The following EMILIN2 variants were observed in gnomAD, a reference collection of about 807,000 sequenced individuals.
EMILIN2 encodes the protein elastin microfibril interfacer 2.
Under a neutral mutation model 87.1 loss-of-function variants are expected in EMILIN2, and 71 were observed. That is an observed-to-expected ratio of 0.82 (90% CI 0.67 to 0.99). The LOEUF is 0.99. EMILIN2 is among the 50% of genes least tolerant of loss of function. The pLI is 0.00. For synonymous variants in EMILIN2, 581 were observed against 563.4 expected (o/e 1.03, Z -0.44); for missense variants, 1,407 against 1,371.8 (o/e 1.03, Z -0.40).
At chr18:2,907,324 C>T (rs1325999931) in intron 5 of EMILIN2, among the ~76,000 whole-genome samples, 2 of 152,214 alleles carry the variant, frequency 1.3e-5, no homozygotes, top group Admixed American at 6.5e-5. Flanking sequence ...TGAGTGGCCC[C>T]GCCGGTTGGA....
At chr18:2,858,605 G>GTATATA (rs552199862) in intron 2 of EMILIN2, among the ~76,000 whole-genome samples, 1,081 of 86,142 alleles carry the variant, frequency 0.013, 146 homozygotes, top group African/African-American at 0.074. Context: ...ATATATATGT[G>GTATATA]TATATATATA....
At chr18:2,866,003 C>T (rs2076684848) in intron 2 of EMILIN2, among the ~76,000 whole-genome samples, 1 of 152,224 alleles carries the variant, frequency 6.6e-6, no homozygotes, top group Non-Finnish European at 1.5e-5. Context: ...GTAGGACCTT[C>T]CGAGCCTGGT....
intron 7 of EMILIN2, among the ~76,000 whole-genome samples, chr18:2,910,022 G>GGCTGCAT (rs2076933306): frequency 6.6e-6 from 1 of 152,224 alleles, no homozygotes; most frequent in South Asian, 2.1e-4. Flanking sequence ...GAGGGCTGCA[G>GGCTGCAT]GCTGCATGGG....
At position 2,890,794 on chromosome 18, in the gene EMILIN2, A is replaced by T; in HGVS notation, c.667A>T (p.Thr223Ser). The part of the protein sequence containing the change: ...KHATQDDASR[T>S]RAPGLSSQHP... ...TGCCACTCAGGATGATGCCAGTAGA[A>T]CACGGGCACCAGGGCTCAGCAGCCA... Residue 223 changes from threonine to serine, a missense_variant, in exon 4 of 8, where the codon ACA becomes TCA. By Grantham distance (58) the Thr-to-Ser change is moderately conservative. Coordinates refer to ENST00000254528, the MANE Select transcript of EMILIN2 (RefSeq NM_032048.3). The surrounding 1 kb of genome is among the most constrained non-coding windows in gnomAD (Gnocchi z 4.7). 2 of 1,613,688 alleles carry T rather than the reference A, an allele frequency of 1.2e-6. No individual in the cohort carries two copies. Among genetic ancestry groups the T allele is most frequent in the Non-Finnish European group, 1.7e-6 (2 of 1,179,792 alleles).
intron 3 of EMILIN2, among the ~76,000 whole-genome samples, chr18:2,887,044 A>G (rs1465867709): frequency 6.6e-6 from 1 of 152,068 alleles, no homozygotes; most frequent in African/African-American, 2.4e-5. Context: ...CATGTCCTTT[A>G]GTAGCTTCAT....
chr18:2,876,189 G>T (rs1312942999), intron 2 of EMILIN2, among the ~76,000 whole-genome samples: 1 of 151,662 alleles, frequency 6.6e-6, no homozygotes, highest in African/African-American at 2.4e-5. Flanking sequence ...CACAATGTTA[G>T]CCAGGATGGT....
intron 3 of EMILIN2, among the ~76,000 whole-genome samples, chr18:2,887,435 G>A (rs2076808463): frequency 6.6e-6 from 1 of 152,194 alleles, no homozygotes; most frequent in Non-Finnish European, 1.5e-5. Flanking sequence ...GGGTCATGGA[G>A]GTTGATCCTT....
In EMILIN2 at chr18:2,907,030, C is replaced by A. The variant is rs1252842494; in HGVS notation, c.2607C>A (p.Asp869Glu). Reference protein sequence around the residue: ...VSGRGLPRGVDGQTGSGTVPG... With the variant: ...VSGRGLPRGVEGQTGSGTVPG... ...GGCGGGGTCTGCCGCGGGGCGTGGA[C>A]GGCCAGACCGGGAGCGGCACCGTCC... Residue 869 changes from aspartate (D) to glutamate (E), a missense_variant, in exon 5 of 8, where the codon GAC becomes GAA. By Grantham distance (45) the Asp-to-Glu change is conservative. Coordinates refer to ENST00000254528, the MANE Select transcript of EMILIN2 (RefSeq NM_032048.3). The A allele has an allele frequency of 4.6e-6, 6 of 1,300,184 alleles. No homozygotes were observed. The South Asian group carries it at 1.5e-4, about 32-fold the overall frequency. 80.5% of individuals were successfully genotyped at this position (1,300,184 alleles called of 1,614,324 possible).
rs535371509 is a variant in EMILIN2, at chr18:2,894,670, T to G, written c.2359+2184T>G. Among the ~76,000 whole-genome samples, 40 of 152,300 alleles carry G rather than the reference T, an allele frequency of 2.6e-4. No homozygotes were observed. Among genetic ancestry groups the G allele is most frequent in the African/African-American group, 9.1e-4 (38 of 41,562 alleles). On this transcript the variant is annotated intron_variant, in intron 4 of 7. Transcript: ENST00000254528. The surrounding 1 kb of genome is among the most constrained non-coding windows in gnomAD (Gnocchi z 5.0). ...AAAAGAGAATGTGCCATACAAAACA[T>G]TATCCCTTTGGACTGAACTCATTGT...
chr18:2,907,105 G>A lies in EMILIN2; in HGVS notation c.2662+20G>A, dbSNP rs1285888670. On this transcript the variant is annotated intron_variant, in intron 5 of 7. Transcript: ENST00000254528. ...CACCAGGTGAGGCCCGGGGCTGCGC[G>A]GGGAGGAGCGCGGGGCTCTCCCGGA... 6.5e-6 allele frequency: 8 copies of A among 1,232,832 alleles called. No individual in the cohort carries two copies. Among genetic ancestry groups the A allele is most frequent in the African/African-American group, 4.7e-5 (3 of 64,126 alleles). 76.4% of individuals were successfully genotyped at this position (1,232,832 alleles called of 1,614,324 possible).
rs752791415 is a variant in EMILIN2, at chr18:2,908,950, G to A, written c.2670G>A (p.Pro890=). The part of the protein sequence containing the change: ...AEGFAGAPGY[P]KSPPVASPGA... The stretch of plus-strand genomic sequence containing the variant: ...TTCCTTTCTGTTTTTCAGGATACCC[G>A]AAGTCACCTCCTGTAGCTTCCCCAG... The change falls in exon 6 of 8, where the codon CCG becomes CCA. Residue 890 remains proline (P), a synonymous_variant. Coordinates refer to ENST00000254528, the MANE Select transcript of EMILIN2 (RefSeq NM_032048.3). 5.0e-6 allele frequency: 8 copies of A among 1,613,484 alleles called. No homozygotes were observed. The highest frequency in any genetic ancestry group is 1.3e-5 in the African/African-American group (1 of 74,886).
At chr18:2,850,635 T>G (rs1227484255) in intron 2 of EMILIN2, among the ~76,000 whole-genome samples, 2 of 152,038 alleles carry the variant, frequency 1.3e-5, no homozygotes, top group Non-Finnish European at 2.9e-5. Flanking sequence ...GAAAAAAACG[T>G]TCTTCAGAAA....
chr18:2,908,822 T>C, intron 5 of EMILIN2, 121 bp from the exon 6 acceptor site: 1 of 1,183,368 alleles, frequency 8.5e-7, no homozygotes, highest in Non-Finnish European at 1.3e-6. Context: ...GTTCTATGTC[T>C]GTTTCTATAG....
intron 2 of EMILIN2, among the ~76,000 whole-genome samples, chr18:2,867,004 G>T (rs945007142): frequency 6.6e-6 from 1 of 152,162 alleles, no homozygotes; most frequent in Admixed American, 6.5e-5. Flanking sequence ...CACATTTATT[G>T]ACTTGCATAT....
Position 2,848,865 on chromosome 18 carries a change from G to A in EMILIN2, c.257+934G>A, listed in dbSNP as rs2076589793. Among the ~76,000 whole-genome samples the A allele has an allele frequency of 1.3e-5, 2 of 152,168 alleles. No individual in the cohort carries two copies. Among genetic ancestry groups the A allele is most frequent in the African/African-American group, 2.4e-5 (1 of 41,432 alleles). ...GGATCTGTCTTTGGCAAAACCAAGG[G>A]ACAGACTGGAACTTGTACTCCAGGA... On this transcript the variant is annotated intron_variant, in intron 2 of 7. Coordinates refer to ENST00000254528, the MANE Select transcript of EMILIN2 (RefSeq NM_032048.3). This position sits in a 1 kb window ranked among gnomAD's most constrained non-coding sequence, Gnocchi z 4.1.
At chr18:2,859,275 G>A (rs754161187) in intron 2 of EMILIN2, among the ~76,000 whole-genome samples, 2 of 152,206 alleles carry the variant, frequency 1.3e-5, no homozygotes, top group East Asian at 1.9e-4. Context: ...CGGGAGTAAG[G>A]TGGTATCGCA....
intron 7 of EMILIN2, among the ~76,000 whole-genome samples, chr18:2,910,641 G>C (rs2076936304): frequency 6.6e-6 from 1 of 152,162 alleles, no homozygotes; most frequent in Admixed American, 6.5e-5. Context: ...GCCTCCTGGA[G>C]GGGGGTGGGG....
intron 3 of EMILIN2, 60 bp downstream of exon 3, chr18:2,885,199 A>C: frequency 6.7e-7 from 1 of 1,494,440 alleles, no homozygotes; most frequent in Non-Finnish European, 9.0e-7. Context: ...TGCTCCTTCA[A>C]ACAACAGGAT....
intron 2 of EMILIN2, among the ~76,000 whole-genome samples, chr18:2,858,565 ATATATGTGTGTG>A (rs1568454105): frequency 1.5e-5 from 1 of 67,814 alleles, no homozygotes; most frequent in Non-Finnish European, 2.3e-5. Context: ...ATATATATAT[ATATATGTGTGTG>A]TGTGTGTATA....
Sources: allele counts gnomAD v4.1 joint callset (sites outside exome capture counted in the v4.1 genomes callset), GRCh38; gene constraint gnomAD v4.1.1; non-coding constraint Gnocchi (gnomAD v3.1); transcripts MANE v1.5; gene names NCBI Gene and HGNC (gene_info 2026-07-23, HGNC 2026-07-21).